Variants in NECAP2 observed in about 807,000 individuals in gnomAD.
NECAP2 encodes the protein adaptin ear-binding coat-associated protein 2.
A neutral mutation model predicts 37.8 loss-of-function variants in NECAP2; 38 were observed. The ratio of observed to expected loss-of-function variants is 1.01; its 90% CI spans 0.78 to 1.32. The LOEUF is 1.32. Among genes scored for constraint, NECAP2 ranks in the 40% most tolerant of loss-of-function variants. The probability of loss-of-function intolerance (pLI) is 0.00; values close to 1 mark genes in which losing one functional copy is unlikely to be tolerated. For synonymous variants in NECAP2, 121 were observed against 127.7 expected, an observed-to-expected ratio of 0.95 and a Z score of 0.35; for missense variants, 316 against 334.5, an observed-to-expected ratio of 0.94 and a Z score of 0.43.
At chr1:16,457,183 C>T (rs534822983) in intron 7 of NECAP2, among the ~76,000 whole-genome samples, 8 of 152,160 alleles carry the variant, frequency 5.3e-5, no homozygotes, top group South Asian at 2.1e-4. Context: ...GGGCTGGGCG[C>T]GGTGGCTCAT....
At chr1:16,442,377 T>C (rs1306818334) in intron 1 of NECAP2, among the ~76,000 whole-genome samples, 2 of 152,218 alleles carry the variant, frequency 1.3e-5, no homozygotes, top group African/African-American at 4.8e-5. Flanking sequence ...TAGAGGAAAC[T>C]ACCAGTGCCT....
chr1:16,448,418 C>T (rs1179334274), intron 4 of NECAP2: 1 of 492,216 alleles, frequency 2.0e-6, no homozygotes, highest in Admixed American at 3.4e-5. Flanking sequence ...TCATCAGGCT[C>T]CTGTGGCCTT....
At chr1:16,457,471 A>G (rs1449675751) in intron 7 of NECAP2, among the ~76,000 whole-genome samples, 2 of 151,824 alleles carry the variant, frequency 1.3e-5, no homozygotes, top group East Asian at 1.9e-4. Context: ...ATAAACAAAC[A>G]AAAAAAACAG....
At chr1:16,447,400 C>T (rs2086779810) in intron 2 of NECAP2, among the ~76,000 whole-genome samples, 2 of 152,168 alleles carry the variant, frequency 1.3e-5, no homozygotes, top group Admixed American at 1.3e-4. Flanking sequence ...AACTTCCTCC[C>T]TTCTTTCCTC....
intron 4 of NECAP2, 85 bp from the exon 5 acceptor site, chr1:16,449,008 T>G (rs1476732516): frequency 3.5e-6 from 3 of 848,084 alleles, no homozygotes; most frequent in Admixed American, 2.2e-5. Flanking sequence ...CCTGGACTGA[T>G]AGCAGGCAGT....
At position 16,458,096 on chromosome 1, in the gene NECAP2, A is replaced by G. The variant is rs141617152; in HGVS notation, c.744-746A>G. Among the ~76,000 whole-genome samples the G allele has an allele frequency of 4.4e-3, 671 of 152,292 alleles. 6 individuals are homozygous for G. The highest frequency in any genetic ancestry group is 5.6e-3 in the Non-Finnish European group (382 of 68,022). ...CATGTGATGTTAACATCGTTCTTGAACAGTTTTTAGCCTAAGATTCATTTG... is the reference window on the plus strand; with the variant it reads ...CATGTGATGTTAACATCGTTCTTGAGCAGTTTTTAGCCTAAGATTCATTTG... On this transcript the variant is annotated intron_variant, in intron 7 of 7. Coordinates refer to ENST00000337132, the MANE Select transcript of NECAP2 (RefSeq NM_018090.5).
At position 16,440,771 on chromosome 1, in the gene NECAP2, A is replaced by AGCGG. The variant is rs1161040264; in HGVS notation, c.12_15dup (p.Tyr6ArgfsTer11). On this transcript the variant is annotated frameshift_variant, in exon 1 of 8. Coordinates refer to ENST00000337132, the MANE Select transcript of NECAP2 (RefSeq NM_018090.5). LOFTEE classifies it high-confidence loss of function. ...GGCTCCAGGCGTCGCGATGGAGGAGAGCGGGTACGAGTCGGTGCTCTGTGT... is the reference window on the plus strand; with the variant it reads ...GGCTCCAGGCGTCGCGATGGAGGAGAGCGGGCGGGTACGAGTCGGTGCTCTGTGT... The AGCGG allele has an allele frequency of 1.2e-6, 2 of 1,613,796 alleles. No individual in the cohort carries two copies. Among genetic ancestry groups the AGCGG allele is most frequent in the African/African-American group, 2.7e-5 (2 of 74,894 alleles).
chr1:16,451,525 G>A (rs748099373), intron 5 of NECAP2: 31 of 335,170 alleles, frequency 9.2e-5, no homozygotes, highest in Non-Finnish European at 9.9e-5. Flanking sequence ...ACTTCATATC[G>A]TAGTCAATAC....
chr1:16,446,065 G>A lies in NECAP2; in HGVS notation c.194-1805G>A, dbSNP rs1370128484. Among the ~76,000 whole-genome samples, 7 of 151,258 alleles carry A rather than the reference G, an allele frequency of 4.6e-5. No homozygotes were observed. In the South Asian group the frequency reaches 1.3e-3, roughly 27 times the overall value. ...CTCTACTAAAAATACAAAATTAGCC[G>A]GGCGTGGTGGTGCATGCCTGTAAAC... On this transcript the variant is annotated intron_variant, in intron 2 of 7. Coordinates refer to ENST00000337132, the MANE Select transcript of NECAP2 (RefSeq NM_018090.5).
chr1:16,449,450 C>T (rs1256112263), intron 5 of NECAP2: 1 of 451,122 alleles, frequency 2.2e-6, no homozygotes, highest in African/African-American at 2.0e-5. Flanking sequence ...TAAGGGATGC[C>T]CTGGGTGCCG....
rs2086789029 is a variant in NECAP2, at chr1:16,448,086, T to C, written c.325T>C (p.Phe109Leu). 3 of 1,614,082 alleles carry C rather than the reference T, an allele frequency of 1.9e-6. No individual in the cohort carries two copies. Among genetic ancestry groups the C allele is most frequent in the Non-Finnish European group, 2.5e-6 (3 of 1,180,048 alleles). The change falls in exon 4 of 8, where the codon TTC becomes CTC. Residue 109 changes from phenylalanine (F) to leucine (L), a missense_variant. Physicochemically the swap from Phe to Leu is conservative, Grantham distance 22. Around this residue, in one of 3 missense-constraint regions of NECAP2, gnomAD observed 204 missense variants for 188.6 expected, o/e 1.08. Transcript: ENST00000337132. Reference protein sequence around the residue: ...NGRRAFIGIGFGDRGDAFDFN... With the variant: ...NGRRAFIGIGLGDRGDAFDFN... ...GCGACGGGCGTTTATTGGAATTGGC[T>C]TCGGGGACCGAGGTGATGCCTTTGA...
chr1:16,455,739 C>A (rs1415638252), intron 6 of NECAP2, 79 bp from the exon 7 acceptor site: 8 of 1,148,638 alleles, frequency 7.0e-6, no homozygotes, highest in South Asian at 3.7e-5. Context: ...ATGATTTGGT[C>A]ATTGAAACAA....
chr1:16,456,949 G>T (rs1341021368), intron 7 of NECAP2, among the ~76,000 whole-genome samples: 1 of 152,058 alleles, frequency 6.6e-6, no homozygotes, highest in Admixed American at 6.5e-5. Context: ...CGATCTGCCT[G>T]CCTCGGCCTC....
intron 2 of NECAP2, 123 bp downstream of exon 2, chr1:16,443,855 T>C (rs1240842771): frequency 1.4e-6 from 1 of 716,498 alleles, no homozygotes; most frequent in Admixed American, 2.1e-5. Context: ...ATCAGAGACG[T>C]GTGTGTACCT....
At position 16,449,182 on chromosome 1, in the gene NECAP2, C is replaced by T; in HGVS notation, c.470C>T (p.Thr157Ile). The T allele has an allele frequency of 6.2e-7, 1 of 1,611,852 alleles. No individual in the cohort carries two copies. Among genetic ancestry groups the T allele is most frequent in the Admixed American group, 1.7e-5 (1 of 59,752 alleles). The change falls in exon 5 of 8, where the codon ACC becomes ATC. Residue 157 changes from threonine (T) to isoleucine (I), a missense_variant. Thr to Ile is a moderately conservative substitution (Grantham distance 89). This residue lies in a region of NECAP2 where 204 missense variants were observed against 188.6 expected (regional missense o/e 1.08). Transcript: ENST00000337132. ...KLDLGFKEGQ[T>I]IKLNIANMKK... is the part of the protein sequence containing the mutation. The stretch of plus-strand genomic sequence containing the variant: ...GACCTGGGCTTCAAGGAGGGCCAGA[C>T]CATCAAGCTCAACATCGCAGTGAGT...
intron 5 of NECAP2, chr1:16,449,466 TC>T (rs2086810191): frequency 2.4e-6 from 1 of 417,260 alleles, no homozygotes; most frequent in South Asian, 3.3e-5. Flanking sequence ...TGCCGTGGGC[TC>T]CTAGAGGAAG....
At chr1:16,450,285 G>A in intron 5 of NECAP2, 2 of 353,562 alleles carry the variant, frequency 5.7e-6, no homozygotes, top group Non-Finnish European at 5.6e-6. Flanking sequence ...GTTTTGTTTT[G>A]TTGTTTTTTT....
intron 2 of NECAP2, among the ~76,000 whole-genome samples, chr1:16,446,623 C>T (rs2100949990): frequency 1.3e-5 from 2 of 152,126 alleles, no homozygotes; most frequent in East Asian, 3.9e-4. Context: ...CAGCTCACTG[C>T]AGCCTCCAAC....
intron 7 of NECAP2, among the ~76,000 whole-genome samples, chr1:16,458,328 A>G (rs1223922532): frequency 3.3e-5 from 5 of 152,100 alleles, no homozygotes; most frequent in Admixed American, 2.0e-4. Context: ...TCGGCCAGGC[A>G]TGTTGGCTCA....
Sources: gnomAD v4.1 joint callset for allele counts (sites outside exome capture counted in the v4.1 genomes callset) on GRCh38, gnomAD v4.1.1 for gene constraint, gnomAD v4.1.1 regional missense constraint, MANE v1.5 for transcripts, NCBI Gene and HGNC (gene_info 2026-07-23, HGNC 2026-07-21) for gene names.